FABP6: variants seen among roughly 807,000 people sequenced by gnomAD.
FABP6 encodes gastrotropin.
In FABP6, 13 loss-of-function variants were observed where a neutral mutation model predicts 14.9. The observed-to-expected ratio is 0.87, with a 90% confidence interval of 0.57 to 1.39. The LOEUF (loss-of-function observed/expected upper bound fraction) is 1.39. Ranked by LOEUF, FABP6 falls within the 40% of genes most tolerant of loss-of-function variation. FABP6 has a pLI of 0.00. For synonymous variants in FABP6, 75 were observed against 63.6 expected (o/e 1.18, Z -0.85); for missense variants, 161 against 167.2 (o/e 0.96, Z 0.20).
intron 1 of FABP6, among the ~76,000 whole-genome samples, chr5:160,231,457 G>A (rs1002205657): frequency 5.3e-5 from 8 of 152,310 alleles, no homozygotes; most frequent in South Asian, 2.1e-4. Flanking sequence ...GCAGTGGCGC[G>A]ATCCCAGCTC....
intron 2 of FABP6, among the ~76,000 whole-genome samples, chr5:160,205,626 T>A (rs1169384070): frequency 6.6e-6 from 1 of 152,254 alleles, no homozygotes; most frequent in African/African-American, 2.4e-5. Context: ...TTGGGCTATG[T>A]GACCACGTTC....
chr5:160,192,761 G>A (rs1759423072), intron 1 of FABP6, among the ~76,000 whole-genome samples: 1 of 152,254 alleles, frequency 6.6e-6, no homozygotes, highest in African/African-American at 2.4e-5. Context: ...TCTACTGAAA[G>A]GCCGTCTGGG....
rs1760327805 is a variant in FABP6, at chr5:160,229,719, C to CCATTCATTCACTCACTCACTCATT, written c.67+107_67+130dup. ...AAAGTAGAATGGGACAGGATTTCAT[C>CCATTCATTCACTCACTCACTCATT]CATTCATTCACTCACTCACTCATTC... On this transcript the variant is annotated intron_variant, in intron 1 of 3. Transcript: ENST00000402432. 1.1e-5 allele frequency: 12 copies of CCATTCATTCACTCACTCACTCATT among 1,118,828 alleles called. No homozygotes were observed. The South Asian group carries it at 1.6e-4, about 15-fold the overall frequency. 69.3% of individuals were successfully genotyped at this position (1,118,828 alleles called of 1,614,324 possible).
intron 1 of FABP6, among the ~76,000 whole-genome samples, chr5:160,193,988 G>A (rs1010564528): frequency 6.6e-6 from 1 of 152,232 alleles, no homozygotes; most frequent in Non-Finnish European, 1.5e-5. Flanking sequence ...AGGTGCCCAC[G>A]GAGGCGGGGG....
chr5:160,230,729 T>C (rs781689514), intron 1 of FABP6, among the ~76,000 whole-genome samples: 8 of 152,180 alleles, frequency 5.3e-5, no homozygotes, highest in Non-Finnish European at 8.8e-5. Context: ...GGACTCAGCG[T>C]GACTTGCCCA....
intron 1 of FABP6, among the ~76,000 whole-genome samples, chr5:160,231,113 G>A (rs1760371221): frequency 6.6e-6 from 1 of 152,190 alleles, no homozygotes; most frequent in African/African-American, 2.4e-5. Context: ...GCCACTTCTT[G>A]CCTGCCAGCT....
chr5:160,231,936 A>C, intron 1 of FABP6, 162 bp from the exon 2 acceptor site: 1 of 709,934 alleles, frequency 1.4e-6, no homozygotes, highest in Non-Finnish European at 2.3e-6. Context: ...CACATGGCTC[A>C]CAGCACGTAT....
At chr5:160,224,680 G>A (rs911089761), upstream of FABP6, among the ~76,000 whole-genome samples, 1 of 152,122 alleles carries the variant, frequency 6.6e-6, no homozygotes, top group Non-Finnish European at 1.5e-5. Flanking sequence ...TATAATCCCA[G>A]GACTATGAAA....
chr5:160,234,093 G>A (rs10075964), intron 2 of FABP6, among the ~76,000 whole-genome samples: 22,270 of 152,138 alleles, frequency 0.15, 1,985 homozygotes, highest in Admixed American at 0.26. Context: ...CAGATAAGCT[G>A]TAAGTCTGCC....
chr5:160,206,407 G>A lies in FABP6; in HGVS notation c.51+7250G>A, dbSNP rs577514232. Reference sequence around the variant, plus strand: ...CATGCCACTCCACTCCAGCCTGGGCGACAGAGCAAGACTCTGTCTCAAAAA... The same window carrying A: ...CATGCCACTCCACTCCAGCCTGGGCAACAGAGCAAGACTCTGTCTCAAAAA... On this transcript the variant is annotated intron_variant, in intron 2 of 6. Coordinates refer to the FABP6 transcript ENST00000393980. Among the ~76,000 whole-genome samples, 9 of 151,930 alleles carry A rather than the reference G, an allele frequency of 5.9e-5. No homozygotes were observed. In the South Asian group the frequency reaches 8.3e-4, roughly 14 times the overall value.
At chr5:160,215,669 C>T (rs1580912151) in intron 3 of FABP6, among the ~76,000 whole-genome samples, 2 of 138,024 alleles carry the variant, frequency 1.4e-5, no homozygotes, top group African/African-American at 2.7e-5. Flanking sequence ...GTTTGGGTGA[C>T]AGAGCAAGAC....
At chr5:160,213,530 G>A (rs1759937551) in intron 2 of FABP6, among the ~76,000 whole-genome samples, 1 of 152,204 alleles carries the variant, frequency 6.6e-6, no homozygotes, top group Non-Finnish European at 1.5e-5. Context: ...GTCCTGTCCT[G>A]TCTCTGTCTG....
At chr5:160,191,961 G>C (rs562496711) in intron 1 of FABP6, among the ~76,000 whole-genome samples, 71 of 150,968 alleles carry the variant, frequency 4.7e-4, no homozygotes, top group Non-Finnish European at 9.9e-4. Context: ...GTGACAGAGC[G>C]AGACTCCATC....
chr5:160,207,194 A>G (rs1759786217), intron 2 of FABP6, among the ~76,000 whole-genome samples: 1 of 152,264 alleles, frequency 6.6e-6, no homozygotes, highest in Non-Finnish European at 1.5e-5. Flanking sequence ...AAGATGAGGT[A>G]GGGAAATGGG....
At chr5:160,215,341 C>T (rs1024926315) in intron 3 of FABP6, among the ~76,000 whole-genome samples, 2 of 152,064 alleles carry the variant, frequency 1.3e-5, no homozygotes, top group African/African-American at 4.8e-5. Flanking sequence ...TGGTGAAACC[C>T]CGTCTTTACT....
intron 1 of FABP6, among the ~76,000 whole-genome samples, chr5:160,192,527 TA>T (rs1759417342): frequency 1.3e-5 from 2 of 152,260 alleles, no homozygotes; most frequent in Non-Finnish European, 1.5e-5. Context: ...TCTGATGAGC[TA>T]ATGGCCCATT....
At chr5:160,187,838 C>T (rs1032571386) in intron 1 of FABP6, among the ~76,000 whole-genome samples, 5 of 152,062 alleles carry the variant, frequency 3.3e-5, no homozygotes, top group African/African-American at 1.2e-4. Flanking sequence ...CCACAACCTC[C>T]GCCTCCCGAG....
intron 3 of FABP6, among the ~76,000 whole-genome samples, chr5:160,219,366 C>A (rs375118662): frequency 6.6e-6 from 1 of 152,194 alleles, no homozygotes; most frequent in Non-Finnish European, 1.5e-5. Flanking sequence ...TTGGGCTCTT[C>A]TTTATCTCTA....
intron 3 of FABP6, among the ~76,000 whole-genome samples, chr5:160,214,290 A>G (rs1333953960): frequency 1.3e-5 from 2 of 151,706 alleles, no homozygotes; most frequent in African/African-American, 4.8e-5. Flanking sequence ...CAGCCTCCCT[A>G]TTAGCTGGGA....
Sources: allele counts gnomAD v4.1 joint callset (sites outside exome capture counted in the v4.1 genomes callset), GRCh38; gene constraint gnomAD v4.1.1; transcripts MANE v1.5; gene names NCBI Gene and HGNC (gene_info 2026-07-23, HGNC 2026-07-21).